Variants in LYPLAL1 observed in about 807,000 individuals in gnomAD.
LYPLAL1 encodes the protein lysophospholipase-like protein 1.
A neutral mutation model predicts 19.7 loss-of-function variants in LYPLAL1; 23 were observed. The ratio of observed to expected loss-of-function variants is 1.17; its 90% confidence interval spans 0.84 to 1.65. The LOEUF is 1.65. Ranked by LOEUF, LYPLAL1 falls within the 40% of genes most tolerant of loss-of-function variation. The probability of loss-of-function intolerance (pLI) is 0.00; values close to 1 mark genes in which losing one functional copy is unlikely to be tolerated. For missense variants in LYPLAL1, 355 were observed against 279.4 expected, an observed-to-expected ratio of 1.27 and a Z score of -1.93; for synonymous variants, 119 against 96.3, an observed-to-expected ratio of 1.24 and a Z score of -1.38.
At chr1:219,375,846 A>G in the LYPLAL1 span, among the ~76,000 whole-genome samples, 1 of 149,696 alleles carries the variant, frequency 6.7e-6, no homozygotes, top group East Asian at 2.0e-4. Context: ...GGTTCATGCC[A>G]TTATCCTGCC....
At chr1:219,177,124 G>A (rs1655882721) in intron 1 of LYPLAL1, among the ~76,000 whole-genome samples, 1 of 152,190 alleles carries the variant, frequency 6.6e-6, no homozygotes, top group South Asian at 2.1e-4. Context: ...GCTAGACTTA[G>A]ACTTGGCTTT....
the LYPLAL1 span, among the ~76,000 whole-genome samples, chr1:219,325,665 A>G: frequency 6.6e-6 from 1 of 151,908 alleles, no homozygotes; most frequent in Non-Finnish European, 1.5e-5. Flanking sequence ...TCATCACTTC[A>G]CTTCTCACCT....
the LYPLAL1 span, among the ~76,000 whole-genome samples, chr1:219,374,000 T>TA: frequency 1.3e-5 from 2 of 151,826 alleles, no homozygotes; most frequent in African/African-American, 2.4e-5. Flanking sequence ...TTTTTAATCA[T>TA]ACAGTTTATT....
At chr1:219,315,957 T>C in the LYPLAL1 span, among the ~76,000 whole-genome samples, 7 of 152,106 alleles carry the variant, frequency 4.6e-5, 1 homozygote, top group African/African-American at 1.7e-4. Context: ...TATAATTAAA[T>C]GGAAAAAAAA....
rs180774823 is a variant in LYPLAL1 at position 219,191,318 on chromosome 1, A to G, written c.192-1764A>G. Among the ~76,000 whole-genome samples the G allele has an allele frequency of 9.2e-3, 1,391 of 151,720 alleles. 7 individuals are homozygous for G. The highest frequency in any genetic ancestry group is 0.012 in the Non-Finnish European group (807 of 67,664). On this transcript the variant is annotated intron_variant, in intron 2 of 4. Coordinates refer to ENST00000366928, the MANE Select transcript of LYPLAL1 (RefSeq NM_138794.5). ...CGTATGCATATGTTTAATGAAGCAT[A>G]TTTCTTAGTGGCTAAAAGCTGGGTA...
chr1:219,238,304 A>T, the LYPLAL1 span, among the ~76,000 whole-genome samples: 1 of 81,904 alleles, frequency 1.2e-5, no homozygotes, highest in African/African-American at 5.6e-5. Context: ...CGCCCGGCTA[A>T]TTTTTTTTTT....
chr1:219,361,897 A>G, the LYPLAL1 span, among the ~76,000 whole-genome samples: 2 of 152,130 alleles, frequency 1.3e-5, no homozygotes, highest in Non-Finnish European at 2.9e-5. Flanking sequence ...ATTTCTGAGA[A>G]GTAAGATCAT....
chr1:219,434,808 A>G, the LYPLAL1 span, among the ~76,000 whole-genome samples: 1 of 152,128 alleles, frequency 6.6e-6, no homozygotes, highest in Non-Finnish European at 1.5e-5. Context: ...AGGGTTAGTG[A>G]GTCCTTTTTG....
At chr1:219,336,644 C>T in the LYPLAL1 span, among the ~76,000 whole-genome samples, 1 of 151,966 alleles carries the variant, frequency 6.6e-6, no homozygotes, top group African/African-American at 2.4e-5. Flanking sequence ...GCCATTTCTA[C>T]TATTATTATT....
At chr1:219,383,096 G>T in the LYPLAL1 span, among the ~76,000 whole-genome samples, 12 of 152,186 alleles carry the variant, frequency 7.9e-5, no homozygotes, top group Non-Finnish European at 1.8e-4. Context: ...AACAATAGCT[G>T]CTCACTACGT....
At chr1:219,257,353 GTTTTTGTTT>G in the LYPLAL1 span, among the ~76,000 whole-genome samples, 65 of 132,586 alleles carry the variant, frequency 4.9e-4, 2 homozygotes, top group African/African-American at 8.8e-4. Flanking sequence ...ATCCATACCA[GTTTTTGTTT>G]TTTTTTTTTT....
chr1:219,251,366 C>G, the LYPLAL1 span, among the ~76,000 whole-genome samples: 1 of 151,038 alleles, frequency 6.6e-6, no homozygotes, highest in Non-Finnish European at 1.5e-5. Context: ...TTTGCCTGTT[C>G]CTATGTATTG....
the LYPLAL1 span, among the ~76,000 whole-genome samples, chr1:219,402,463 C>A: frequency 6.6e-6 from 1 of 151,986 alleles, no homozygotes; most frequent in African/African-American, 2.4e-5. Flanking sequence ...GCATTTCCCC[C>A]TAAGATAAGC....
chr1:219,266,453 G>T, the LYPLAL1 span, among the ~76,000 whole-genome samples: 1 of 151,862 alleles, frequency 6.6e-6, no homozygotes, highest in Non-Finnish European at 1.5e-5. Context: ...TGATAACAAT[G>T]CCTTCTTCTG....
chr1:219,328,739 A>G, the LYPLAL1 span, among the ~76,000 whole-genome samples: 1 of 152,176 alleles, frequency 6.6e-6, no homozygotes, highest in Non-Finnish European at 1.5e-5. Flanking sequence ...CTCAACCAAA[A>G]TTATAAAATT....
chr1:219,176,691 T>G (rs145643866), intron 1 of LYPLAL1, among the ~76,000 whole-genome samples: 1 of 152,172 alleles, frequency 6.6e-6, no homozygotes, highest in Non-Finnish European at 1.5e-5. Context: ...CCTAGGCTAA[T>G]CACAGAAGTC....
At chr1:219,415,534 A>G in the LYPLAL1 span, among the ~76,000 whole-genome samples, 3 of 152,252 alleles carry the variant, frequency 2.0e-5, no homozygotes, top group Non-Finnish European at 2.9e-5. Flanking sequence ...AAGCATTTGC[A>G]CTAGTTTCTT....
chr1:219,180,386 C>T lies in LYPLAL1; in HGVS notation c.191+1140C>T, dbSNP rs756766290. On this transcript the variant is annotated intron_variant, in intron 2 of 4. Coordinates refer to ENST00000366928, the MANE Select transcript of LYPLAL1 (RefSeq NM_138794.5). ...AGAAATAAAACCAGAACTTCAAGGA[C>T]GTTTTTATATGTACTAATAAGAATT... Among the ~76,000 whole-genome samples the T allele has an allele frequency of 7.4e-4, 113 of 151,818 alleles. 2 individuals carry two copies. Among genetic ancestry groups the T allele is most frequent in the Non-Finnish European group, 8.1e-4 (55 of 67,772 alleles).
the LYPLAL1 span, among the ~76,000 whole-genome samples, chr1:219,366,145 A>G: frequency 6.6e-6 from 1 of 152,156 alleles, no homozygotes; most frequent in South Asian, 2.1e-4. Flanking sequence ...ATTCACTCAT[A>G]TCTTATCTGA....
Sources: gnomAD v4.1 joint callset for allele counts (sites outside exome capture counted in the v4.1 genomes callset) on GRCh38, gnomAD v4.1.1 for gene constraint, MANE v1.5 for transcripts, NCBI Gene and HGNC (gene_info 2026-07-23, HGNC 2026-07-21) for gene names.